The following SNTG2 variants were observed in gnomAD, a reference collection of about 807,000 sequenced individuals.
SNTG2 encodes the protein syntrophin gamma 2, also known as gamma-2-syntrophin.
In SNTG2, 74 loss-of-function variants were observed where a neutral mutation model predicts 70.9. That is an observed-to-expected ratio of 1.04 (90% CI 0.86 to 1.27). The LOEUF is 1.27. Among genes scored for constraint, SNTG2 ranks in the 50% most tolerant of loss-of-function variants. The pLI is 0.00. For synonymous variants in SNTG2, 278 were observed against 273.8 expected (o/e 1.02, Z -0.15); for missense variants, 717 against 690.7 (o/e 1.04, Z -0.43).
chr2:1,114,580 G>C (rs1480207837), intron 4 of SNTG2, among the ~76,000 whole-genome samples: 1 of 148,692 alleles, frequency 6.7e-6, no homozygotes, highest in Non-Finnish European at 1.5e-5. Flanking sequence ...AACCCTTAGA[G>C]TCCTTTGAGG....
chr2:1,000,389 T>C (rs557564417), intron 1 of SNTG2, among the ~76,000 whole-genome samples: 1 of 151,916 alleles, frequency 6.6e-6, no homozygotes, highest in South Asian at 2.1e-4. Flanking sequence ...ACTAGCTATA[T>C]TGACCAAGAA....
At chr2:1,058,402 C>G (rs1662605020) in intron 1 of SNTG2, among the ~76,000 whole-genome samples, 1 of 152,144 alleles carries the variant, frequency 6.6e-6, no homozygotes, top group South Asian at 2.1e-4. Flanking sequence ...AATTATGTGA[C>G]ATTGTTTCTT....
chr2:1,292,242 T>G (rs1680023505), intron 14 of SNTG2, among the ~76,000 whole-genome samples: 1 of 151,938 alleles, frequency 6.6e-6, no homozygotes, highest in African/African-American at 2.4e-5. Context: ...TCTAACAGAT[T>G]TTTTTTTGTT....
intron 6 of SNTG2, among the ~76,000 whole-genome samples, chr2:1,153,955 C>G (rs1468726989): frequency 6.6e-6 from 1 of 152,098 alleles, no homozygotes; most frequent in Non-Finnish European, 1.5e-5. Flanking sequence ...TATTTAAGAT[C>G]CAACCAAGAG....
At chr2:1,275,274 C>T (rs1238043678) in intron 14 of SNTG2, among the ~76,000 whole-genome samples, 1 of 152,148 alleles carries the variant, frequency 6.6e-6, no homozygotes, top group Non-Finnish European at 1.5e-5. Flanking sequence ...TTGTGCTTTG[C>T]TTTGTTAAGC....
rs919690877 is a variant in SNTG2, at chr2:1,367,282, A to G, written c.1489-61A>G. 6.8e-6 allele frequency: 10 copies of G among 1,461,308 alleles called. No homozygotes were observed. In the African/African-American group the frequency reaches 1.4e-4, roughly 21 times the overall value. The allele number at this position is 1,461,308 out of a possible 1,614,324, so 90.5% of individuals were successfully genotyped here. A position where few individuals can be genotyped will look rare whatever the true frequency, so the allele number is the denominator to read the frequency against. On this transcript the variant is annotated intron_variant, in intron 16 of 16. Transcript: ENST00000308624. ...TCACAAGGTCCAAACTTTGTTAAAT[A>G]TTTTTGTAACGTGTTCTTCCAACAA...
At chr2:1,091,512 C>G (rs149827550) in intron 2 of SNTG2, among the ~76,000 whole-genome samples, 1,973 of 152,244 alleles carry the variant, frequency 0.013, 9 homozygotes, top group African/African-American at 0.016. Context: ...TCATGGCGGC[C>G]GGGGGCCTGG....
At chr2:1,076,878 T>C (rs1475810003) in intron 1 of SNTG2, among the ~76,000 whole-genome samples, 5 of 152,206 alleles carry the variant, frequency 3.3e-5, no homozygotes, top group East Asian at 1.9e-4. Context: ...AACATTTGCA[T>C]AAATTATTAA....
At position 1,247,337 on chromosome 2, in the gene SNTG2, T is replaced by TG; in HGVS notation, c.903dup (p.Trp302ValfsTer4). On this transcript the variant is annotated frameshift_variant, in exon 12 of 17. Transcript: ENST00000308624. LOFTEE classifies it high-confidence loss of function. Reference sequence around the variant, plus strand: ...TTCACCCCTCTGCAGGTTGTGCATATGGGGTGGGTAAATGAGAAACTCCAA... The same window carrying TG: ...TTCACCCCTCTGCAGGTTGTGCATATGGGGGTGGGTAAATGAGAAACTCCAA... 6.2e-7 allele frequency: 1 copy of TG among 1,611,804 alleles called. No homozygotes were observed. Among genetic ancestry groups the TG allele is most frequent in the South Asian group, 1.1e-5 (1 of 91,032 alleles).
intron 9 of SNTG2, among the ~76,000 whole-genome samples, chr2:1,211,940 C>T (rs553973476): frequency 6.6e-6 from 1 of 152,232 alleles, no homozygotes; most frequent in East Asian, 1.9e-4. Flanking sequence ...TATTTTGACC[C>T]ACTAAGCCAT....
At chr2:1,349,569 T>C (rs1448597252) in intron 16 of SNTG2, among the ~76,000 whole-genome samples, 1 of 152,232 alleles carries the variant, frequency 6.6e-6, no homozygotes, top group African/African-American at 2.4e-5. Context: ...GAAGCTAAAT[T>C]CCTGTGTTCT....
At chr2:1,192,925 G>A (rs1176699928) in intron 8 of SNTG2, among the ~76,000 whole-genome samples, 2 of 152,216 alleles carry the variant, frequency 1.3e-5, no homozygotes, top group Admixed American at 1.3e-4. Context: ...CCTGTCCTCT[G>A]TGAGTAGTGG....
At chr2:981,257 G>A (rs1313730230) in intron 1 of SNTG2, among the ~76,000 whole-genome samples, 1 of 152,206 alleles carries the variant, frequency 6.6e-6, no homozygotes, top group Non-Finnish European at 1.5e-5. Flanking sequence ...GCTTCATCAA[G>A]CAAATGGCAG....
intron 9 of SNTG2, among the ~76,000 whole-genome samples, chr2:1,234,250 A>C (rs1408682719): frequency 6.6e-6 from 1 of 152,190 alleles, no homozygotes; most frequent in African/African-American, 2.4e-5. Flanking sequence ...GACTTACACT[A>C]GTTACCCGGC....
chr2:970,977 A>G (rs1404422474), intron 1 of SNTG2, among the ~76,000 whole-genome samples: 4 of 152,226 alleles, frequency 2.6e-5, no homozygotes, highest in Admixed American at 6.5e-5. Context: ...TAGAATGGCA[A>G]TCATTAAAAA....
In SNTG2 at chr2:1,308,666, G is replaced by T. The variant is rs1680825477; in HGVS notation, c.1377+80G>T. ...TCCATGGGCGTTAACACTCACGCATGTCTGGTAGAAGCCACCAACCTTGCT... is the reference window on the plus strand; with the variant it reads ...TCCATGGGCGTTAACACTCACGCATTTCTGGTAGAAGCCACCAACCTTGCT... On this transcript the variant is annotated intron_variant, in intron 15 of 16. Transcript: ENST00000308624. The T allele has an allele frequency of 2.9e-5, 36 of 1,220,696 alleles. No individual in the cohort carries two copies. The South Asian group carries it at 4.6e-4, about 15-fold the overall frequency. 75.6% of individuals were successfully genotyped at this position (1,220,696 alleles called of 1,614,324 possible).
At chr2:1,194,064 C>T (rs1427658667) in intron 8 of SNTG2, among the ~76,000 whole-genome samples, 1 of 152,210 alleles carries the variant, frequency 6.6e-6, no homozygotes, top group Non-Finnish European at 1.5e-5. Context: ...GGGCAGGAAT[C>T]CTGGCAGCCT....
chr2:1,129,057 C>T (rs532102145), intron 4 of SNTG2, among the ~76,000 whole-genome samples: 35 of 152,232 alleles, frequency 2.3e-4, no homozygotes, highest in African/African-American at 8.2e-4. Context: ...GCAGAGGAAT[C>T]GACCTCGAAT....
At chr2:1,342,344 A>G in intron 16 of SNTG2, among the ~76,000 whole-genome samples, 1 of 107,858 alleles carries the variant, frequency 9.3e-6, no homozygotes, top group African/African-American at 4.1e-5. Flanking sequence ...ATGCATAGGA[A>G]GAGTGGACTG....
Sources: allele counts gnomAD v4.1 joint callset (sites outside exome capture counted in the v4.1 genomes callset), GRCh38; gene constraint gnomAD v4.1.1; transcripts MANE v1.5; gene names NCBI Gene and HGNC (gene_info 2026-07-23, HGNC 2026-07-21).